AIRIM: variants seen among roughly 807,000 people sequenced by gnomAD.
AIRIM encodes the protein AFG2-interacting ribosome maturation factor.
chr1:37,689,590 C>G, the AIRIM span: 25 of 1,576,066 alleles, frequency 1.6e-5, no homozygotes, highest in African/African-American at 4.1e-5. Flanking sequence ...AGAAACAGCA[C>G]TAGGGAGCTG....
chr1:37,688,330 A>G, the AIRIM span, among the ~76,000 whole-genome samples: 80,152 of 151,968 alleles, frequency 0.53, 21,787 homozygotes, highest in East Asian at 0.72. Flanking sequence ...TTACAGCCAT[A>G]AGCCACCGTG....
chr1:37,692,180 A>T, the AIRIM span: 1 of 164,890 alleles, frequency 6.1e-6, no homozygotes, highest in Non-Finnish European at 1.3e-5. Context: ...GCAGAATCCT[A>T]CAGCCGACCT....
the AIRIM span, chr1:37,682,256 G>A: frequency 6.6e-6 from 1 of 152,034 alleles, no homozygotes; most frequent in South Asian, 2.1e-4. Context: ...TACATTCAAT[G>A]ACCAAGATTC....
chr1:37,689,877 T>A, the AIRIM span: 3 of 1,549,926 alleles, frequency 1.9e-6, no homozygotes, highest in Admixed American at 6.1e-5. Flanking sequence ...CGGTCTTGAG[T>A]CATCTTCTGC....
At chr1:37,690,495 G>A in the AIRIM span, 6 of 1,210,570 alleles carry the variant, frequency 5.0e-6, no homozygotes, top group African/African-American at 9.6e-5. Flanking sequence ...AACCCTCCAG[G>A]GACTGCACCA....
the AIRIM span, among the ~76,000 whole-genome samples, chr1:37,687,065 T>TGA: frequency 1.7e-5 from 1 of 58,646 alleles, no homozygotes; most frequent in Non-Finnish European, 3.4e-5. Flanking sequence ...CAAAAGTGTG[T>TGA]GTGTGTGTGT....
the AIRIM span, chr1:37,686,494 G>A: frequency 6.3e-7 from 1 of 1,579,254 alleles, no homozygotes; most frequent in South Asian, 1.1e-5. Context: ...CATGAGACAT[G>A]TATAAAGGAA....
At chr1:37,688,581 G>C in the AIRIM span, among the ~76,000 whole-genome samples, 5 of 152,096 alleles carry the variant, frequency 3.3e-5, no homozygotes, top group Non-Finnish European at 7.3e-5. Context: ...TTGGCACCTT[G>C]TGCTTGGCAT....
chr1:37,687,120 T>A, the AIRIM span, among the ~76,000 whole-genome samples: 4 of 151,166 alleles, frequency 2.6e-5, no homozygotes, highest in African/African-American at 9.8e-5. Flanking sequence ...GTATAGTTTT[T>A]GTTTTTGTTT....
chr1:37,689,590 C>A, the AIRIM span: 1 of 1,576,184 alleles, frequency 6.3e-7, no homozygotes, highest in Non-Finnish European at 8.6e-7. Flanking sequence ...AGAAACAGCA[C>A]TAGGGAGCTG....
the AIRIM span, among the ~76,000 whole-genome samples, chr1:37,688,855 A>G: frequency 6.6e-6 from 1 of 151,552 alleles, no homozygotes; most frequent in Non-Finnish European, 1.5e-5. Context: ...TGTCCCAGGT[A>G]CTTGGGGGGC....
At chr1:37,687,113 T>G in the AIRIM span, among the ~76,000 whole-genome samples, 1 of 137,322 alleles carries the variant, frequency 7.3e-6, no homozygotes. Flanking sequence ...TGTGTGTGTA[T>G]AGTTTTTGTT....
the AIRIM span, among the ~76,000 whole-genome samples, chr1:37,685,196 G>GGGT: frequency 5.5e-5 from 7 of 127,966 alleles, no homozygotes; most frequent in African/African-American, 1.7e-4. Context: ...TTTTTTTGGG[G>GGGT]GGGGGGGGTG....
the AIRIM span, chr1:37,690,541 A>C: frequency 2.6e-6 from 3 of 1,132,772 alleles, no homozygotes; most frequent in Non-Finnish European, 1.1e-6. Context: ...CTCACACGCG[A>C]CCTCCCCACA....
chr1:37,683,656 A>G, the AIRIM span: 2 of 478,866 alleles, frequency 4.2e-6, no homozygotes, highest in Admixed American at 3.8e-5. Context: ...CCATCCCTGA[A>G]ATCTGGGATC....
chr1:37,685,199 GGGGGGTGGGC>G, the AIRIM span, among the ~76,000 whole-genome samples: 9 of 126,994 alleles, frequency 7.1e-5, no homozygotes, highest in South Asian at 1.0e-3. Context: ...TTTTGGGGGG[GGGGGGTGGGC>G]GGGGGGTGGT....
At chr1:37,685,202 G>GGGC in the AIRIM span, among the ~76,000 whole-genome samples, 3 of 124,214 alleles carry the variant, frequency 2.4e-5, no homozygotes, top group South Asian at 3.5e-4. Context: ...TGGGGGGGGG[G>GGGC]GGTGGGCGGG....
the AIRIM span, among the ~76,000 whole-genome samples, chr1:37,687,854 T>G: frequency 6.6e-6 from 1 of 152,024 alleles, no homozygotes; most frequent in African/African-American, 2.4e-5. Context: ...ATTACAGGAG[T>G]GAGGCACCGT....
chr1:37,685,368 C>A, the AIRIM span, among the ~76,000 whole-genome samples: 245 of 148,002 alleles, frequency 1.7e-3, no homozygotes, highest in African/African-American at 5.9e-3. Flanking sequence ...CACCATCATG[C>A]CTGGCCCAAA....
Sources: gnomAD v4.1 joint callset for allele counts (sites outside exome capture counted in the v4.1 genomes callset) on GRCh38, gnomAD v4.1.1 for gene constraint, MANE v1.5 for transcripts, NCBI Gene and HGNC (gene_info 2026-07-23, HGNC 2026-07-21) for gene names.